The following GLIS3 variants were observed in gnomAD, a reference collection of about 807,000 sequenced individuals.
GLIS3 encodes the protein zinc finger protein GLIS3.
A neutral mutation model predicts 78.6 loss-of-function variants in GLIS3; 53 were observed. That is an observed-to-expected ratio of 0.67 (90% CI 0.54 to 0.85). GLIS3 has a LOEUF of 0.85. Ranked by LOEUF, GLIS3 falls within the 40% of genes least tolerant of loss-of-function variation. GLIS3 has a pLI of 0.00. For synonymous variants in GLIS3, 684 were observed against 509.9 expected (o/e 1.34, Z -4.60); for missense variants, 1,703 against 1,231.1 (o/e 1.38, Z -5.74).
intron 2 of GLIS3, among the ~76,000 whole-genome samples, chr9:4,158,846 T>C (rs965979285): frequency 6.6e-6 from 1 of 152,008 alleles, no homozygotes. Flanking sequence ...ATAGATGAGA[T>C]GGGAGGCTAC....
At chr9:4,136,848 C>A (rs1460143035) in intron 2 of GLIS3, among the ~76,000 whole-genome samples, 1 of 152,196 alleles carries the variant, frequency 6.6e-6, no homozygotes, top group Non-Finnish European at 1.5e-5. Context: ...AACAGTGGTT[C>A]AAACCTGGCT....
intron 2 of GLIS3, chr9:4,152,205 C>G (rs1387442318): frequency 4.1e-6 from 3 of 732,272 alleles, no homozygotes; most frequent in Non-Finnish European, 5.0e-6. Context: ...AGGAAGGAAC[C>G]AAAGGAAGAA....
At chr9:4,454,104 G>C in the GLIS3 span, among the ~76,000 whole-genome samples, 13 of 145,224 alleles carry the variant, frequency 9.0e-5, no homozygotes, top group African/African-American at 2.3e-4. Flanking sequence ...AAAGCTACCA[G>C]TTTAAAATGT....
intron 2 of GLIS3, among the ~76,000 whole-genome samples, chr9:4,144,193 C>T (rs1307522459): frequency 1.3e-5 from 2 of 151,994 alleles, no homozygotes; most frequent in African/African-American, 4.8e-5. Context: ...AGGAATGCTA[C>T]TAACACCTCC....
chr9:4,169,500 C>A (rs1190765356), intron 2 of GLIS3, among the ~76,000 whole-genome samples: 3 of 152,142 alleles, frequency 2.0e-5, no homozygotes, highest in Non-Finnish European at 4.4e-5. Context: ...AAACACTACG[C>A]TTGTGATCCA....
chr9:4,320,961 T>G (rs1817514621), intron 2 of GLIS3, among the ~76,000 whole-genome samples: 1 of 151,980 alleles, frequency 6.6e-6, no homozygotes, highest in Non-Finnish European at 1.5e-5. Context: ...CTCCCACAGC[T>G]CTCGAGATAC....
intron 2 of GLIS3, among the ~76,000 whole-genome samples, chr9:4,224,936 A>G (rs1821641531): frequency 6.6e-6 from 1 of 151,978 alleles, no homozygotes. Flanking sequence ...GATTATCACT[A>G]TGAGTATCGT....
At chr9:4,134,986 TCACAC>T (rs953432583) in intron 2 of GLIS3, among the ~76,000 whole-genome samples, 2 of 152,138 alleles carry the variant, frequency 1.3e-5, no homozygotes, top group Non-Finnish European at 2.9e-5. Flanking sequence ...CACTGGACTC[TCACAC>T]AAAGTTATGC....
chr9:4,204,107 C>G (rs1056536493), intron 2 of GLIS3, among the ~76,000 whole-genome samples: 1 of 152,052 alleles, frequency 6.6e-6, no homozygotes, highest in African/African-American at 2.4e-5. Context: ...GTTGAAATTA[C>G]TTAAAAAAGA....
the GLIS3 span, among the ~76,000 whole-genome samples, chr9:4,391,909 C>CA: frequency 6.6e-6 from 1 of 152,094 alleles, no homozygotes; most frequent in Non-Finnish European, 1.5e-5. Context: ...GGTATATACC[C>CA]AAAGGAATAT....
At chr9:3,888,445 A>G (rs971926379) in intron 7 of GLIS3, among the ~76,000 whole-genome samples, 1 of 152,196 alleles carries the variant, frequency 6.6e-6, no homozygotes, top group African/African-American at 2.4e-5. Context: ...TAGACAGCCA[A>G]TCTGATTTTT....
chr9:4,181,249 G>T (rs1378065397), intron 2 of GLIS3, among the ~76,000 whole-genome samples: 1 of 152,192 alleles, frequency 6.6e-6, no homozygotes, highest in Non-Finnish European at 1.5e-5. Context: ...GGACACTAGG[G>T]CTGACCATGG....
intron 2 of GLIS3, among the ~76,000 whole-genome samples, chr9:4,225,340 C>CA (rs529473575): frequency 5.9e-5 from 9 of 152,132 alleles, no homozygotes; most frequent in Non-Finnish European, 8.8e-5. Flanking sequence ...CAAAATTATA[C>CA]AATTACTCTT....
chr9:4,455,484 T>C, the GLIS3 span, among the ~76,000 whole-genome samples: 24 of 152,246 alleles, frequency 1.6e-4, no homozygotes, highest in African/African-American at 5.8e-4. Context: ...AGACATAGGA[T>C]CTTAGGTTCT....
At chr9:4,420,611 G>T in the GLIS3 span, among the ~76,000 whole-genome samples, 1 of 152,038 alleles carries the variant, frequency 6.6e-6, no homozygotes, top group Non-Finnish European at 1.5e-5. Flanking sequence ...TTCTGATTAC[G>T]TCAGGGAGAA....
chr9:4,387,457 TCAG>T, the GLIS3 span, among the ~76,000 whole-genome samples: 11 of 152,332 alleles, frequency 7.2e-5, no homozygotes, highest in East Asian at 2.1e-3. Flanking sequence ...CACATTTCTT[TCAG>T]CTCTTGTCGT....
chr9:3,868,955 G>A (rs945618424), intron 8 of GLIS3, among the ~76,000 whole-genome samples: 1 of 152,090 alleles, frequency 6.6e-6, no homozygotes, highest in Non-Finnish European at 1.5e-5. Flanking sequence ...TGCTCTTTCT[G>A]TATGCATCCA....
intron 9 of GLIS3, among the ~76,000 whole-genome samples, chr9:3,840,219 G>T (rs932052525): frequency 2.6e-5 from 4 of 152,200 alleles, no homozygotes; most frequent in Admixed American, 2.6e-4. Flanking sequence ...TAGAGGTTCT[G>T]TGTAACACAT....
chr9:4,132,801 C>A (rs993156219), intron 2 of GLIS3, among the ~76,000 whole-genome samples: 3 of 152,142 alleles, frequency 2.0e-5, no homozygotes, highest in Non-Finnish European at 4.4e-5. Flanking sequence ...TTCAACCTAA[C>A]ACACACACAA....
Sources: allele counts gnomAD v4.1 joint callset (sites outside exome capture counted in the v4.1 genomes callset), GRCh38; gene constraint gnomAD v4.1.1; transcripts MANE v1.5; gene names NCBI Gene and HGNC (gene_info 2026-07-23, HGNC 2026-07-21).